RIMS2: variants seen among roughly 807,000 people sequenced by gnomAD.
The protein encoded by RIMS2 is regulating synaptic membrane exocytosis protein 2.
Under a neutral mutation model 174.4 loss-of-function variants are expected in RIMS2, and 59 were observed. That is an observed-to-expected ratio of 0.34 (90% CI 0.27 to 0.42). RIMS2 has a LOEUF of 0.42. Ranked by LOEUF, RIMS2 falls within the 10% of genes least tolerant of loss-of-function variation. The probability of loss-of-function intolerance (pLI) is 1.00; values close to 1 mark genes in which losing one functional copy is unlikely to be tolerated. For missense variants in RIMS2, 1,620 were observed against 1,666.3 expected (o/e 0.97, Z 0.48); for synonymous variants, 606 against 572.5 (o/e 1.06, Z -0.84).
intron 1 of RIMS2, among the ~76,000 whole-genome samples, chr8:103,643,352 C>T (rs1381087956): frequency 6.6e-6 from 1 of 151,950 alleles, no homozygotes; most frequent in Non-Finnish European, 1.5e-5. Flanking sequence ...AGTATATTAA[C>T]CACAGCTATT....
At chr8:103,543,233 A>G (rs1843354384) in intron 1 of RIMS2, among the ~76,000 whole-genome samples, 2 of 152,322 alleles carry the variant, frequency 1.3e-5, no homozygotes, top group South Asian at 4.1e-4. Flanking sequence ...AGAATGACGT[A>G]CTGGAGAAAG....
chr8:103,700,402 C>G (rs1197783913), intron 2 of RIMS2, among the ~76,000 whole-genome samples: 2 of 151,576 alleles, frequency 1.3e-5, no homozygotes. Flanking sequence ...CTCTCTTTCT[C>G]TCTGTCTCTC....
chr8:104,240,435 A>G (rs781186168), intron 19 of RIMS2, among the ~76,000 whole-genome samples: 5 of 152,214 alleles, frequency 3.3e-5, no homozygotes, highest in Non-Finnish European at 5.9e-5. Flanking sequence ...AAATGTAGCT[A>G]AAGATTTTGT....
At chr8:103,664,416 T>C (rs2136182843) in intron 1 of RIMS2, among the ~76,000 whole-genome samples, 1 of 152,070 alleles carries the variant, frequency 6.6e-6, no homozygotes, top group East Asian at 1.9e-4. Flanking sequence ...ACAGAGAACT[T>C]AAACAGATTT....
chr8:103,967,170 G>GTTTTTTTTTTTTTT lies in RIMS2; in HGVS notation c.2770+6054_2770+6067dup, dbSNP rs71575988. Reference sequence around the variant, plus strand: ...TTTTCTGCCTGCTTGATCTGTTCTTGTTTTTTTTTTTTTTTTTTTTTTTTT... The same window carrying GTTTTTTTTTTTTTT: ...TTTTCTGCCTGCTTGATCTGTTCTTGTTTTTTTTTTTTTTTTTTTTTTTTTTTTTTTTTTTTTTT... On this transcript the variant is annotated intron_variant, in intron 15 of 23. Transcript: ENST00000504942. Among the ~76,000 whole-genome samples, 28 of 24,962 alleles carry GTTTTTTTTTTTTTT rather than the reference G, an allele frequency of 1.1e-3. 3 individuals are homozygous for GTTTTTTTTTTTTTT. The highest frequency in any genetic ancestry group is 3.6e-3 in the African/African-American group (17 of 4,738). The allele number at this position is 24,962 out of a possible 152,430, so 16.4% of individuals were successfully genotyped here.
chr8:103,666,452 A>G (rs988055674), intron 1 of RIMS2, among the ~76,000 whole-genome samples: 9 of 152,170 alleles, frequency 5.9e-5, no homozygotes, highest in Non-Finnish European at 1.3e-4. Flanking sequence ...GCCATGATAA[A>G]TGTATTTACT....
chr8:104,137,295 G>C (rs2133323399), intron 19 of RIMS2, among the ~76,000 whole-genome samples: 1 of 152,182 alleles, frequency 6.6e-6, no homozygotes, highest in African/African-American at 2.4e-5. Flanking sequence ...ATAATAATTA[G>C]AGTCAACGTA....
chr8:103,724,625 T>G (rs2097503532), intron 2 of RIMS2, among the ~76,000 whole-genome samples: 2 of 152,200 alleles, frequency 1.3e-5, no homozygotes, highest in South Asian at 4.1e-4. Context: ...TTAAAAAACA[T>G]TTATGACTTT....
intron 3 of RIMS2, among the ~76,000 whole-genome samples, chr8:103,865,619 T>C (rs1210342376): frequency 6.6e-6 from 1 of 152,114 alleles, no homozygotes; most frequent in African/African-American, 2.4e-5. Context: ...ATGGCTACCT[T>C]CATTTCCTGA....
chr8:103,584,365 G>T (rs941246055), intron 1 of RIMS2, among the ~76,000 whole-genome samples: 1 of 152,048 alleles, frequency 6.6e-6, no homozygotes, highest in Non-Finnish European at 1.5e-5. Context: ...GAAAGAAGAG[G>T]ACATTAATGA....
chr8:104,169,753 G>C (rs77826850), intron 19 of RIMS2, among the ~76,000 whole-genome samples: 1 of 151,880 alleles, frequency 6.6e-6, no homozygotes, highest in Non-Finnish European at 1.5e-5. Flanking sequence ...CTAGTTCCTT[G>C]AGGTGTGACA....
At chr8:103,644,279 C>A (rs1161941467) in intron 1 of RIMS2, among the ~76,000 whole-genome samples, 1 of 152,110 alleles carries the variant, frequency 6.6e-6, no homozygotes, top group Admixed American at 6.6e-5. Flanking sequence ...AGCTGTGCAA[C>A]TTTGTATTTG....
chr8:103,993,118 AT>A (rs772313530), intron 17 of RIMS2, among the ~76,000 whole-genome samples: 15 of 151,874 alleles, frequency 9.9e-5, no homozygotes, highest in African/African-American at 1.7e-4. Flanking sequence ...TCTCAAAAAA[AT>A]ATATATATAT....
At chr8:104,187,458 A>G (rs1032071893) in intron 19 of RIMS2, among the ~76,000 whole-genome samples, 17 of 151,870 alleles carry the variant, frequency 1.1e-4, no homozygotes, top group African/African-American at 3.6e-4. Context: ...CTTAGAAAAT[A>G]AATCTGTAGG....
At chr8:103,774,767 G>T (rs2098294471) in intron 3 of RIMS2, among the ~76,000 whole-genome samples, 1 of 152,132 alleles carries the variant, frequency 6.6e-6, no homozygotes, top group African/African-American at 2.4e-5. Context: ...TTTTCCTTGA[G>T]GGAACTTTCT....
intron 1 of RIMS2, among the ~76,000 whole-genome samples, chr8:103,557,299 A>T (rs1257703890): frequency 6.6e-6 from 1 of 152,196 alleles, no homozygotes; most frequent in African/African-American, 2.4e-5. Context: ...ACTGCTAAGC[A>T]GTGTGTTTTC....
At chr8:103,534,604 T>C (rs1488821351) in intron 1 of RIMS2, among the ~76,000 whole-genome samples, 2 of 142,596 alleles carry the variant, frequency 1.4e-5, no homozygotes, top group African/African-American at 5.0e-5. Flanking sequence ...ATTACTAAAA[T>C]GAAATACATA....
chr8:104,033,928 G>A (rs34673151), intron 19 of RIMS2, among the ~76,000 whole-genome samples: 27,424 of 151,974 alleles, frequency 0.18, 2,754 homozygotes, highest in South Asian at 0.34. Flanking sequence ...CATGTTTGGA[G>A]TTATTTCTCT....
intron 1 of RIMS2, among the ~76,000 whole-genome samples, chr8:103,641,923 A>C (rs77313640): frequency 0.12 from 18,860 of 152,096 alleles, 1,268 homozygotes; most frequent in Middle Eastern, 0.22. Context: ...GTTCTTTATA[A>C]ATTACCCAGC....
Sources: allele counts gnomAD v4.1 joint callset (sites outside exome capture counted in the v4.1 genomes callset), GRCh38; gene constraint gnomAD v4.1.1; transcripts MANE v1.5; gene names NCBI Gene and HGNC (gene_info 2026-07-23, HGNC 2026-07-21).